Variants in SPATA17 observed in about 807,000 individuals in gnomAD.
The protein encoded by SPATA17 is spermatogenesis-associated protein 17.
In SPATA17, 53 loss-of-function variants were observed where a neutral mutation model predicts 62.2. The observed-to-expected ratio is 0.85, with a 90% CI of 0.68 to 1.07. The LOEUF is 1.07. Ranked by LOEUF, SPATA17 falls within the 50% of genes least tolerant of loss-of-function variation. SPATA17 has a pLI of 0.00. For synonymous variants in SPATA17, 146 were observed against 146.8 expected (o/e 0.99, Z 0.04); for missense variants, 466 against 425.5 (o/e 1.10, Z -0.84).
chr1:217,781,712 A>G (rs1346075678), intron 7 of SPATA17, among the ~76,000 whole-genome samples: 1 of 152,180 alleles, frequency 6.6e-6, no homozygotes, highest in African/African-American at 2.4e-5. Flanking sequence ...AAATTCACCA[A>G]AAAATTTTAA....
intron 9 of SPATA17, among the ~76,000 whole-genome samples, chr1:217,806,742 G>A (rs35802868): frequency 0.3 from 45,058 of 151,898 alleles, 7,978 homozygotes; most frequent in Non-Finnish European, 0.39. Context: ...TTAGCAATAT[G>A]TTCCTACTCT....
At chr1:217,788,224 A>G (rs1237161977) in intron 8 of SPATA17, among the ~76,000 whole-genome samples, 3 of 152,200 alleles carry the variant, frequency 2.0e-5, no homozygotes, top group African/African-American at 7.2e-5. Context: ...AGTCCTATAC[A>G]TTGATATCTT....
intron 1 of SPATA17, among the ~76,000 whole-genome samples, chr1:217,648,312 C>G (rs1327508571): frequency 3.3e-5 from 5 of 152,148 alleles, no homozygotes; most frequent in Non-Finnish European, 7.4e-5. Flanking sequence ...GTACATGTCT[C>G]ACATCTGGAT....
At chr1:217,821,561 G>A (rs1443073000) in intron 9 of SPATA17, among the ~76,000 whole-genome samples, 1 of 152,036 alleles carries the variant, frequency 6.6e-6, no homozygotes, top group African/African-American at 2.4e-5. Flanking sequence ...GGAGACTAGA[G>A]TTGGTTCGAT....
intron 9 of SPATA17, among the ~76,000 whole-genome samples, chr1:217,828,188 C>T (rs1328387698): frequency 1.3e-5 from 2 of 151,952 alleles, no homozygotes; most frequent in Admixed American, 6.6e-5. Flanking sequence ...TATTACAAAA[C>T]TACAATAATC....
At chr1:217,661,495 G>A (rs61246581) in intron 3 of SPATA17, among the ~76,000 whole-genome samples, 4,742 of 152,158 alleles carry the variant, frequency 0.031, 220 homozygotes, top group African/African-American at 0.11. Context: ...AAAGAGTCAT[G>A]TGCTCTGCAT....
Position 217,856,640 on chromosome 1 carries a change from A to T in SPATA17, c.1006-6134A>T, listed in dbSNP as rs150998985. ...ACATGTACACATGGTTTGATTGAAG[A>T]ATGCATAATAAATCCTAAATCTCTG... On this transcript the variant is annotated intron_variant, in intron 9 of 10. Transcript: ENST00000366933. 1.2e-3 allele frequency among the ~76,000 whole-genome samples: 176 copies of T among 152,324 alleles called. 3 individuals are homozygous for T. The East Asian group carries it at 0.027, about 23-fold the overall frequency.
intron 4 of SPATA17, among the ~76,000 whole-genome samples, chr1:217,672,905 C>T (rs1006379099): frequency 6.6e-6 from 1 of 152,084 alleles, no homozygotes; most frequent in East Asian, 1.9e-4. Flanking sequence ...AAGTCTCATG[C>T]GGCCCAGATC....
At chr1:217,750,993 A>C (rs1672891359) in intron 6 of SPATA17, among the ~76,000 whole-genome samples, 1 of 152,182 alleles carries the variant, frequency 6.6e-6, no homozygotes, top group Admixed American at 6.5e-5. Flanking sequence ...TCACCTAAAT[A>C]AACCTTACAT....
chr1:217,761,383 T>G (rs1033307338), intron 6 of SPATA17, among the ~76,000 whole-genome samples: 2 of 152,186 alleles, frequency 1.3e-5, no homozygotes, highest in African/African-American at 2.4e-5. Context: ...TTGCCACACC[T>G]TATACACCAA....
At chr1:217,793,415 T>A (rs1427163684) in intron 8 of SPATA17, among the ~76,000 whole-genome samples, 1 of 151,820 alleles carries the variant, frequency 6.6e-6, no homozygotes, top group African/African-American at 2.4e-5. Flanking sequence ...AGAGACGGGG[T>A]TTCACCGTGT....
intron 1 of SPATA17, among the ~76,000 whole-genome samples, chr1:217,637,049 A>C (rs180851745): frequency 4.6e-5 from 7 of 152,314 alleles, no homozygotes. Context: ...GAGACATGCT[A>C]TATAGACCAA....
chr1:217,709,968 C>G (rs537950822), intron 5 of SPATA17, among the ~76,000 whole-genome samples: 8 of 152,292 alleles, frequency 5.3e-5, no homozygotes, highest in African/African-American at 1.9e-4. Context: ...GTCCAATCCT[C>G]TATCTTTGGG....
chr1:217,705,065 GT>G (rs1671701110), intron 5 of SPATA17, among the ~76,000 whole-genome samples: 1 of 152,090 alleles, frequency 6.6e-6, no homozygotes, highest in Admixed American at 6.5e-5. Flanking sequence ...GCCAACATCT[GT>G]TATTTTTTGA....
chr1:217,806,035 C>G (rs554035683), intron 9 of SPATA17, among the ~76,000 whole-genome samples: 9 of 152,050 alleles, frequency 5.9e-5, no homozygotes, highest in Non-Finnish European at 1.3e-4. Context: ...TGAAACCAGA[C>G]AAGTTACGTG....
intron 3 of SPATA17, chr1:217,665,408 T>C (rs956780656): frequency 2.0e-5 from 3 of 152,182 alleles, no homozygotes; most frequent in African/African-American, 7.2e-5. Flanking sequence ...AAAGCAATAC[T>C]TTACAAAATT....
At chr1:217,663,548 ATTAAT>A (rs1670616049) in intron 3 of SPATA17, among the ~76,000 whole-genome samples, 1 of 152,206 alleles carries the variant, frequency 6.6e-6, no homozygotes, top group Non-Finnish European at 1.5e-5. Flanking sequence ...TTGATTAGAA[ATTAAT>A]TTAATGATTA....
rs1173758323 is a variant in SPATA17 at position 217,869,490 on chromosome 1, A to G, written c.*2471A>G. On this transcript the variant is annotated 3_prime_UTR_variant, in exon 11 of 11. Coordinates refer to ENST00000366933, the MANE Select transcript of SPATA17 (RefSeq NM_138796.4). ...GAAAAGATGTGAAAAAAGGTTCTCT[A>G]CAGAATGTAGATTTTCCCCATAAGA... The G allele has an allele frequency of 1.3e-5, 2 of 152,180 alleles. No homozygotes were observed. Among genetic ancestry groups the G allele is most frequent in the Non-Finnish European group, 2.9e-5 (2 of 68,034 alleles). The allele number at this position is 152,180 out of a possible 1,614,324, so 9.4% of individuals were successfully genotyped here.
At chr1:217,847,616 T>C (rs1202563590) in intron 9 of SPATA17, among the ~76,000 whole-genome samples, 1 of 152,222 alleles carries the variant, frequency 6.6e-6, no homozygotes, top group Non-Finnish European at 1.5e-5. Flanking sequence ...ATCTGCATTC[T>C]AATATGTTTT....
Sources: gnomAD v4.1 joint callset for allele counts (sites outside exome capture counted in the v4.1 genomes callset) on GRCh38, gnomAD v4.1.1 for gene constraint, MANE v1.5 for transcripts, NCBI Gene and HGNC (gene_info 2026-07-23, HGNC 2026-07-21) for gene names.